MARCHF1: variants seen among roughly 807,000 people sequenced by gnomAD.
MARCHF1 encodes the protein membrane associated ring-CH-type finger 1.
Under a neutral mutation model 54.2 loss-of-function variants are expected in MARCHF1, and 40 were observed. That is an observed-to-expected ratio of 0.74 (90% CI 0.57 to 0.96). The LOEUF (loss-of-function observed/expected upper bound fraction) is 0.96, where lower values mean the gene tolerates loss of function less well. Among genes scored for constraint, MARCHF1 ranks in the 40% least tolerant of loss-of-function variants. MARCHF1 has a pLI of 0.00. For missense variants in MARCHF1, 586 were observed against 656.5 expected (o/e 0.89, Z 1.17); for synonymous variants, 236 against 236.3 (o/e 1.00, Z 0.01).
chr4:164,140,869 C>T (rs1291717616), intron 1 of MARCHF1, among the ~76,000 whole-genome samples: 1 of 152,172 alleles, frequency 6.6e-6, no homozygotes, highest in Non-Finnish European at 1.5e-5. Context: ...CTAATCATAA[C>T]ATCCTTACTC....
chr4:164,255,037 G>A (rs550190305), intron 1 of MARCHF1, among the ~76,000 whole-genome samples: 4 of 152,202 alleles, frequency 2.6e-5, no homozygotes, highest in East Asian at 3.9e-4. Context: ...GAGCCCCCAC[G>A]CCCAGCCATG....
chr4:163,961,120 T>C (rs1029841391), intron 3 of MARCHF1, among the ~76,000 whole-genome samples: 3 of 151,938 alleles, frequency 2.0e-5, no homozygotes, highest in East Asian at 3.9e-4. Context: ...TCTCCAAAGA[T>C]AGTCACATTA....
intron 1 of MARCHF1, among the ~76,000 whole-genome samples, chr4:164,270,498 C>G (rs1358126907): frequency 6.6e-6 from 1 of 152,128 alleles, no homozygotes; most frequent in African/African-American, 2.4e-5. Context: ...GTTTGGTTCA[C>G]TGGTGTATTC....
At chr4:164,144,801 A>G (rs1466320166) in intron 1 of MARCHF1, among the ~76,000 whole-genome samples, 24 of 100,704 alleles carry the variant, frequency 2.4e-4, no homozygotes, top group Non-Finnish European at 4.3e-4. Context: ...AGCTAGCAGA[A>G]GGCAAGAAAT....
chr4:164,037,169 C>T (rs192853652), intron 2 of MARCHF1, among the ~76,000 whole-genome samples: 38 of 152,096 alleles, frequency 2.5e-4, no homozygotes, highest in African/African-American at 5.8e-4. Flanking sequence ...TTTATGATGT[C>T]TAATGGATAT....
intron 4 of MARCHF1, among the ~76,000 whole-genome samples, chr4:163,775,446 C>G (rs1375717378): frequency 6.6e-6 from 1 of 152,058 alleles, no homozygotes; most frequent in East Asian, 1.9e-4. Flanking sequence ...AGAACAAAGC[C>G]TATCATGTAG....
chr4:163,718,731 T>C (rs1745342560), intron 4 of MARCHF1, among the ~76,000 whole-genome samples: 1 of 152,218 alleles, frequency 6.6e-6, no homozygotes, highest in South Asian at 2.1e-4. Flanking sequence ...TTTTGTTTTA[T>C]AGCATGGTTG....
At chr4:164,306,126 A>C (rs1734690318) in intron 1 of MARCHF1, among the ~76,000 whole-genome samples, 1 of 152,152 alleles carries the variant, frequency 6.6e-6, no homozygotes, top group South Asian at 2.1e-4. Flanking sequence ...AATGGAAAAA[A>C]AATAGCTAGG....
chr4:163,823,159 T>C (rs1300085053), intron 4 of MARCHF1, among the ~76,000 whole-genome samples: 2 of 151,818 alleles, frequency 1.3e-5, no homozygotes, highest in Non-Finnish European at 2.9e-5. Flanking sequence ...TTAGCTTAGA[T>C]GTCCATAAGT....
At chr4:164,346,101 T>C (rs1228434536) in intron 1 of MARCHF1, among the ~76,000 whole-genome samples, 1 of 152,208 alleles carries the variant, frequency 6.6e-6, no homozygotes, top group African/African-American at 2.4e-5. Flanking sequence ...ATGGCAAATG[T>C]GCAGCTTATG....
chr4:163,586,283 G>A (rs538635866), intron 7 of MARCHF1, among the ~76,000 whole-genome samples: 2 of 152,160 alleles, frequency 1.3e-5, no homozygotes, highest in African/African-American at 2.4e-5. Flanking sequence ...TGTACAAAGC[G>A]TATATGAAAC....
At chr4:163,829,897 G>A (rs1027178539) in intron 4 of MARCHF1, among the ~76,000 whole-genome samples, 1 of 152,130 alleles carries the variant, frequency 6.6e-6, no homozygotes, top group Non-Finnish European at 1.5e-5. Context: ...TTAATAACTT[G>A]GCCTTGCCTG....
Position 164,140,606 on chromosome 4 carries a change from A to G in MARCHF1, c.-322-28944T>C, listed in dbSNP as rs540386102. 6.6e-5 allele frequency among the ~76,000 whole-genome samples: 10 copies of G among 152,248 alleles called. No individual in the cohort carries two copies. In the East Asian group the frequency reaches 1.9e-3, roughly 29 times the overall value. ...CTCCTAATTGTAGTCAGTCAGAGAG[A>G]TGGATTTCAGACTGATCTGCCAGCT... is the stretch of plus-strand genomic sequence containing the variant. On this transcript the variant is annotated intron_variant, in intron 1 of 9. Coordinates refer to ENST00000514618, the MANE Select transcript of MARCHF1 (RefSeq NM_001394959.1).
At chr4:164,069,881 G>A (rs969274095) in intron 2 of MARCHF1, among the ~76,000 whole-genome samples, 1 of 152,274 alleles carries the variant, frequency 6.6e-6, no homozygotes, top group East Asian at 1.9e-4. Context: ...CCTATCAATG[G>A]TATATTGGAT....
At chr4:164,145,080 G>A (rs2110881440) in intron 1 of MARCHF1, among the ~76,000 whole-genome samples, 1 of 145,068 alleles carries the variant, frequency 6.9e-6, no homozygotes, top group East Asian at 2.0e-4. Flanking sequence ...AGAAGAAATG[G>A]ATACATTCCT....
intron 2 of MARCHF1, among the ~76,000 whole-genome samples, chr4:164,102,639 G>A (rs1297265210): frequency 1.2e-4 from 18 of 151,246 alleles, no homozygotes; most frequent in East Asian, 3.9e-4. Context: ...AGGAACAACC[G>A]GCACCAGCCG....
At chr4:163,916,512 T>C (rs142432261) in intron 3 of MARCHF1, among the ~76,000 whole-genome samples, 1 of 117,232 alleles carries the variant, frequency 8.5e-6, no homozygotes, top group Non-Finnish European at 1.7e-5. Context: ...ATTGTGAAGA[T>C]GTGCCTGTGA....
chr4:164,175,377 T>C (rs1730636692), intron 1 of MARCHF1, among the ~76,000 whole-genome samples: 1 of 152,216 alleles, frequency 6.6e-6, no homozygotes, highest in Non-Finnish European at 1.5e-5. Context: ...ACATTTGTTC[T>C]AATGGTAAAA....
At chr4:164,024,244 C>A (rs552990382) in intron 2 of MARCHF1, among the ~76,000 whole-genome samples, 1 of 152,168 alleles carries the variant, frequency 6.6e-6, no homozygotes, top group African/African-American at 2.4e-5. Context: ...AGTACCCCTG[C>A]TAGATACCAT....
Sources: allele counts gnomAD v4.1 joint callset (sites outside exome capture counted in the v4.1 genomes callset), GRCh38; gene constraint gnomAD v4.1.1; transcripts MANE v1.5; gene names NCBI Gene and HGNC (gene_info 2026-07-23, HGNC 2026-07-21).